CARNMT1: variants seen among roughly 807,000 people sequenced by gnomAD.
The protein encoded by CARNMT1 is carnosine N-methyltransferase 1.
Under a neutral mutation model 49.6 loss-of-function variants are expected in CARNMT1, and 28 were observed. The ratio of observed to expected loss-of-function variants is 0.56; its 90% CI spans 0.42 to 0.77. The LOEUF is 0.77. Ranked by LOEUF, CARNMT1 falls within the 30% of genes least tolerant of loss-of-function variation. The probability of loss-of-function intolerance (pLI) is 0.00; values close to 1 mark genes in which losing one functional copy is unlikely to be tolerated. For synonymous variants in CARNMT1, 178 were observed against 175.0 expected, an observed-to-expected ratio of 1.02 and a Z score of -0.13; for missense variants, 421 against 512.6, an observed-to-expected ratio of 0.82 and a Z score of 1.73.
chr9:75,022,273 G>C (rs1000179980), intron 1 of CARNMT1, among the ~76,000 whole-genome samples: 1 of 135,794 alleles, frequency 7.4e-6, no homozygotes, highest in Non-Finnish European at 1.5e-5. Flanking sequence ...ACCTAGGCTG[G>C]AGTACAGTGG....
chr9:75,002,385 A>G (rs1160258210), intron 3 of CARNMT1, among the ~76,000 whole-genome samples: 3 of 152,224 alleles, frequency 2.0e-5, no homozygotes, highest in Admixed American at 1.3e-4. Context: ...AAGTACCTAC[A>G]GTGGTTCTCT....
intron 6 of CARNMT1, among the ~76,000 whole-genome samples, chr9:74,989,156 G>A (rs1832942439): frequency 6.6e-6 from 1 of 152,042 alleles, no homozygotes; most frequent in South Asian, 2.1e-4. Context: ...CTGTCACCCA[G>A]GTTGAAGTAC....
At chr9:74,991,742 T>C (rs968167960) in intron 6 of CARNMT1, 6 of 152,164 alleles carry the variant, frequency 3.9e-5, no homozygotes, top group African/African-American at 1.2e-4. Flanking sequence ...GGTTTTTCCA[T>C]ACAGCACCTC....
intron 6 of CARNMT1, among the ~76,000 whole-genome samples, chr9:74,995,443 T>A (rs1833159130): frequency 6.6e-6 from 1 of 152,134 alleles, no homozygotes; most frequent in Non-Finnish European, 1.5e-5. Context: ...TTGGGAAAAA[T>A]TTCCCAAGGT....
At chr9:75,011,668 C>T (rs11793667) in intron 3 of CARNMT1, among the ~76,000 whole-genome samples, 7,372 of 152,252 alleles carry the variant, frequency 0.048, 231 homozygotes, top group Middle Eastern at 0.092. Flanking sequence ...ACACCCAGCT[C>T]TGTGACTGTT....
At chr9:75,024,223 T>C (rs1822457191) in intron 1 of CARNMT1, among the ~76,000 whole-genome samples, 1 of 152,224 alleles carries the variant, frequency 6.6e-6, no homozygotes, top group South Asian at 2.1e-4. Context: ...CCTGTCTTGA[T>C]TCATTTTAAA....
In CARNMT1 at chr9:74,994,191, C is replaced by G. The variant is rs1438915312; in HGVS notation, c.1024+2256G>C. 2.6e-5 allele frequency among the ~76,000 whole-genome samples: 4 copies of G among 152,312 alleles called. No homozygotes were observed. The South Asian group carries it at 6.2e-4, about 24-fold the overall frequency. ...TGAATACACAGCAAGAGGGTAACCC[C>G]TGCAAATCAAAGGAAGAGCCCTCAC... On this transcript the variant is annotated intron_variant, in intron 6 of 7. Transcript: ENST00000376834.
chr9:75,009,116 CA>C (rs145865829), intron 3 of CARNMT1, among the ~76,000 whole-genome samples: 4,901 of 143,384 alleles, frequency 0.034, 253 homozygotes, highest in East Asian at 0.14. Flanking sequence ...TATCCATATG[CA>C]AAAGAATAAA....
At chr9:75,005,033 T>A (rs1223830833) in intron 3 of CARNMT1, among the ~76,000 whole-genome samples, 2 of 152,202 alleles carry the variant, frequency 1.3e-5, no homozygotes, top group African/African-American at 2.4e-5. Flanking sequence ...AATTCTTATA[T>A]TTAAATTATT....
intron 1 of CARNMT1, among the ~76,000 whole-genome samples, chr9:75,021,476 A>G (rs1822361724): frequency 7.0e-6 from 1 of 143,848 alleles, no homozygotes; most frequent in South Asian, 2.1e-4. Flanking sequence ...TATATATACT[A>G]TATATATATA....
chr9:75,024,316 T>C lies in CARNMT1; in HGVS notation c.230+3696A>G, dbSNP rs192031514. On this transcript the variant is annotated intron_variant, in intron 1 of 7. Coordinates refer to ENST00000376834, the MANE Select transcript of CARNMT1 (RefSeq NM_152420.3). ...ACAGTAAAATTTTAGGTAACGATTT[T>C]GGATTTTAGGTCAGATTCTACCACA... Among the ~76,000 whole-genome samples the C allele has an allele frequency of 5.8e-4, 88 of 152,368 alleles. No individual in the cohort carries two copies. In the East Asian group the frequency reaches 0.016, roughly 28 times the overall value.
At chr9:75,028,420 C>T, upstream of CARNMT1, 1 of 1,282,260 alleles carries the variant, frequency 7.8e-7, no homozygotes, top group Non-Finnish European at 9.8e-7. Context: ...GTCTTCAGGG[C>T]TCCCAGAACC....
rs1056687750 is a variant in CARNMT1, at chr9:74,982,047, C to A, written c.*1720G>T. On this transcript the variant is annotated 3_prime_UTR_variant, in exon 8 of 8. Transcript: ENST00000376834. Reference sequence around the variant, plus strand: ...AAAAAAAAAAAAAAAAGGTTACAGTCTTCCCAATTTTGACATGTCAGATTA... The same window carrying A: ...AAAAAAAAAAAAAAAAGGTTACAGTATTCCCAATTTTGACATGTCAGATTA... The A allele has an allele frequency of 3.3e-5, 5 of 150,462 alleles. No individual in the cohort carries two copies. The highest frequency in any genetic ancestry group is 1.2e-4 in the African/African-American group (5 of 41,020). 9.3% of individuals were successfully genotyped at this position (150,462 alleles called of 1,614,324 possible).
chr9:74,998,897 T>A, intron 4 of CARNMT1, 121 bp from the exon 5 acceptor site: 1 of 551,218 alleles, frequency 1.8e-6, no homozygotes, highest in Non-Finnish European at 2.9e-6. Flanking sequence ...ATTTAAAGAG[T>A]CACTATTACA....
At chr9:75,009,356 C>T (rs1486890124) in intron 3 of CARNMT1, among the ~76,000 whole-genome samples, 3 of 152,284 alleles carry the variant, frequency 2.0e-5, no homozygotes, top group Middle Eastern at 6.8e-3. Context: ...AGCAGTCCTC[C>T]TGACTCAGGG....
intron 1 of CARNMT1, among the ~76,000 whole-genome samples, chr9:75,019,996 A>T (rs922036983): frequency 2.6e-5 from 4 of 152,234 alleles, no homozygotes. Flanking sequence ...GTACAATTGC[A>T]TTTCATAGAA....
At chr9:75,027,976 G>A (rs1436226391) in intron 1 of CARNMT1, 36 bp downstream of exon 1, 5 of 1,528,742 alleles carry the variant, frequency 3.3e-6, no homozygotes, top group South Asian at 2.4e-5. Flanking sequence ...TGGGCGCCCC[G>A]ACGGTCTGGG....
intron 6 of CARNMT1, among the ~76,000 whole-genome samples, chr9:74,992,899 G>T (rs548062001): frequency 6.6e-6 from 1 of 152,206 alleles, no homozygotes; most frequent in South Asian, 2.1e-4. Flanking sequence ...ATCCCCAAGA[G>T]GTTGATCTCT....
intron 5 of CARNMT1, among the ~76,000 whole-genome samples, chr9:74,997,163 G>C (rs913039252): frequency 6.6e-6 from 1 of 152,140 alleles, no homozygotes; most frequent in Non-Finnish European, 1.5e-5. Context: ...TGATCCCATG[G>C]AGGACTACCT....
Sources: allele counts gnomAD v4.1 joint callset (sites outside exome capture counted in the v4.1 genomes callset), GRCh38; gene constraint gnomAD v4.1.1; transcripts MANE v1.5; gene names NCBI Gene and HGNC (gene_info 2026-07-23, HGNC 2026-07-21).